PTPA: variants seen among roughly 807,000 people sequenced by gnomAD.
The protein encoded by PTPA is serine/threonine-protein phosphatase 2A activator.
In PTPA, 13 loss-of-function variants were observed where a neutral mutation model predicts 43.6. That is an observed-to-expected ratio of 0.30 (90% CI 0.19 to 0.47). PTPA has a LOEUF of 0.47. PTPA is among the 20% of genes least tolerant of loss of function. The probability of loss-of-function intolerance (pLI) is 0.99; values close to 1 mark genes in which losing one functional copy is unlikely to be tolerated. For synonymous variants in PTPA, 172 were observed against 158.2 expected, an observed-to-expected ratio of 1.09 and a Z score of -0.66; for missense variants, 329 against 411.9, an observed-to-expected ratio of 0.80 and a Z score of 1.74.
chr9:129,130,860 T>C (rs1204725640), intron 4 of PTPA, among the ~76,000 whole-genome samples: 2 of 152,220 alleles, frequency 1.3e-5, no homozygotes, highest in African/African-American at 4.8e-5. Context: ...CCAATTGATA[T>C]CGCCCAGATT....
chr9:129,125,031 G>C (rs1849487052), intron 3 of PTPA, among the ~76,000 whole-genome samples: 1 of 152,154 alleles, frequency 6.6e-6, no homozygotes, highest in South Asian at 2.1e-4. Flanking sequence ...TTCCTTTTGG[G>C]CTCACTCAGT....
At chr9:129,132,857 ACTC>A (rs1850073673) in intron 5 of PTPA, among the ~76,000 whole-genome samples, 1 of 151,048 alleles carries the variant, frequency 6.6e-6, no homozygotes, top group South Asian at 2.1e-4. Flanking sequence ...CTGGTCTTGA[ACTC>A]CTGAGCTCAA....
chr9:129,119,539 G>T (rs956299153), intron 1 of PTPA: 1 of 151,994 alleles, frequency 6.6e-6, no homozygotes, highest in Non-Finnish European at 1.5e-5. Context: ...CCAAGTAGCT[G>T]GGACCGCAGG....
chr9:129,111,801 G>T lies in PTPA; in HGVS notation c.31+170G>T, dbSNP rs866593478. ...TGGCCTTAGGGGAGAGGTGGGTGGT[G>T]GGGCGCCGCTGGGGAGGGAACCAGG... On this transcript the variant is annotated intron_variant, in intron 1 of 9. Coordinates refer to ENST00000393370, the MANE Select transcript of PTPA (RefSeq NM_178000.3). 60 of 1,231,178 alleles carry T rather than the reference G, an allele frequency of 4.9e-5. 1 individual carries two copies. The Middle Eastern group carries it at 2.2e-3, about 44-fold the overall frequency. The allele number at this position is 1,231,178 out of a possible 1,614,324, so 76.3% of individuals were successfully genotyped here.
In PTPA at chr9:129,143,566, A is replaced by C. The variant is rs557738963; in HGVS notation, c.894+1014A>C. Reference sequence around the variant, plus strand: ...AGGCCAGCGGGGTGGGGGAGCACAGATGCTTCCAGTTGGCTTGGCTCCCTG... The same window carrying C: ...AGGCCAGCGGGGTGGGGGAGCACAGCTGCTTCCAGTTGGCTTGGCTCCCTG... On this transcript the variant is annotated intron_variant, in intron 9 of 9. Transcript: ENST00000393370. 30 of 647,220 alleles carry C rather than the reference A, an allele frequency of 4.6e-5. No individual in the cohort carries two copies. The East Asian group carries it at 8.2e-4, about 18-fold the overall frequency. 40.1% of individuals were successfully genotyped at this position (647,220 alleles called of 1,614,324 possible). A position where few individuals can be genotyped will look rare whatever the true frequency, so the allele number is the denominator to read the frequency against.
rs1012204185 is a variant in PTPA at position 129,141,232 on chromosome 9, A to G, written c.787-1213A>G. Among the ~76,000 whole-genome samples, 7 of 152,178 alleles carry G rather than the reference A, an allele frequency of 4.6e-5. No individual in the cohort carries two copies. The South Asian group carries it at 1.2e-3, about 27-fold the overall frequency. ...AGAGGCCTGCCAGGAGTGGGTCACC[A>G]GGTGGCAGCCCATGGCTCAAGAGTG... On this transcript the variant is annotated intron_variant, in intron 8 of 9. Transcript: ENST00000393370.
At chr9:129,140,637 A>C (rs1850724461) in intron 8 of PTPA, among the ~76,000 whole-genome samples, 2 of 152,212 alleles carry the variant, frequency 1.3e-5, no homozygotes, top group South Asian at 4.1e-4. Context: ...GGCCCCTGGC[A>C]GACAAAGCCG....
chr9:129,148,269 C>CT lies in PTPA; in HGVS notation c.*808dup, dbSNP rs768303748. On this transcript the variant is annotated 3_prime_UTR_variant, in exon 10 of 10. Transcript: ENST00000393370. ...TGGGGTGAGGCATGTCTTTCCAGAACTTTCCCTGGCAGGGAGGGGATGGCA... is the reference window on the plus strand; with the variant it reads ...TGGGGTGAGGCATGTCTTTCCAGAACTTTTCCCTGGCAGGGAGGGGATGGCA... 6.6e-6 allele frequency: 1 copy of CT among 152,522 alleles called. No homozygotes were observed. The highest frequency in any genetic ancestry group is 2.4e-5 in the African/African-American group (1 of 41,478). 9.4% of individuals were successfully genotyped at this position (152,522 alleles called of 1,614,324 possible).
intron 1 of PTPA, among the ~76,000 whole-genome samples, chr9:129,113,558 C>T (rs1848682508): frequency 6.6e-6 from 1 of 151,744 alleles, no homozygotes; most frequent in Non-Finnish European, 1.5e-5. Context: ...CACTTGAGGT[C>T]AGGAGTTCGA....
intron 8 of PTPA, 109 bp from the exon 9 acceptor site, chr9:129,142,336 G>GTT: frequency 4.7e-6 from 4 of 855,040 alleles, no homozygotes; most frequent in Non-Finnish European, 6.9e-6. Flanking sequence ...GTGCGTGTGC[G>GTT]TTTGTGTGTG....
chr9:129,125,758 C>T (rs549196621), intron 3 of PTPA, among the ~76,000 whole-genome samples: 8 of 152,248 alleles, frequency 5.3e-5, no homozygotes, highest in South Asian at 2.1e-4. Flanking sequence ...TTTTGCATAG[C>T]GCCTAACACA....
At chr9:129,132,282 A>T (rs1850028986) in intron 5 of PTPA, among the ~76,000 whole-genome samples, 1 of 152,142 alleles carries the variant, frequency 6.6e-6, no homozygotes, top group South Asian at 2.1e-4. Flanking sequence ...TAGGCAACGT[A>T]GCAAGACTCC....
At chr9:129,130,305 C>T (rs1468341250) in intron 4 of PTPA, among the ~76,000 whole-genome samples, 2 of 152,012 alleles carry the variant, frequency 1.3e-5, no homozygotes, top group Non-Finnish European at 2.9e-5. Flanking sequence ...ATTGCTCTGG[C>T]CCAATATTTT....
chr9:129,145,149 G>A (rs1010275286), intron 9 of PTPA, among the ~76,000 whole-genome samples: 5 of 152,066 alleles, frequency 3.3e-5, no homozygotes, highest in African/African-American at 1.2e-4. Context: ...TGGCCAACAC[G>A]GTGAAACACT....
chr9:129,141,250 CAA>C (rs1341269875), intron 8 of PTPA, among the ~76,000 whole-genome samples: 1 of 152,106 alleles, frequency 6.6e-6, no homozygotes, highest in Non-Finnish European at 1.5e-5. Context: ...GCCCATGGCT[CAA>C]GAGTGGGGGC....
chr9:129,124,089 C>T (rs1348596790), intron 3 of PTPA, among the ~76,000 whole-genome samples: 2 of 152,228 alleles, frequency 1.3e-5, no homozygotes, highest in Admixed American at 6.5e-5. Context: ...CAGAGCTGAT[C>T]TCTCCCTGTG....
At chr9:129,128,090 T>G in intron 3 of PTPA, 1 of 1,303,812 alleles carries the variant, frequency 7.7e-7, no homozygotes, top group Non-Finnish European at 1.0e-6. Context: ...CAGCCCCATT[T>G]TTTAGACGAA....
chr9:129,142,777 C>T, intron 9 of PTPA: 22 of 1,536,194 alleles, frequency 1.4e-5, no homozygotes, highest in Non-Finnish European at 1.9e-5. Flanking sequence ...AGCTGCAGTC[C>T]AGCTCTGTCC....
At chr9:129,119,407 G>C (rs1849102701) in intron 1 of PTPA, 1 of 141,508 alleles carries the variant, frequency 7.1e-6, no homozygotes, top group Admixed American at 7.1e-5. Context: ...CTGCAATTAG[G>C]TTTTTTTTTT....
Sources: allele counts gnomAD v4.1 joint callset (sites outside exome capture counted in the v4.1 genomes callset), GRCh38; gene constraint gnomAD v4.1.1; transcripts MANE v1.5; gene names NCBI Gene and HGNC (gene_info 2026-07-23, HGNC 2026-07-21).